ROS1: variants seen among roughly 807,000 people sequenced by gnomAD.
ROS1 encodes proto-oncogene tyrosine-protein kinase ROS.
Under a neutral mutation model 273.5 loss-of-function variants are expected in ROS1, and 263 were observed. The ratio of observed to expected loss-of-function variants is 0.96; its 90% CI spans 0.87 to 1.06. The LOEUF is 1.06. ROS1 is among the 50% of genes least tolerant of loss of function. The pLI, the probability that ROS1 is intolerant of heterozygous loss-of-function variation, is 0.00. For synonymous variants in ROS1, 1,008 were observed against 954.1 expected (o/e 1.06, Z -1.04); for missense variants, 2,833 against 2,751.1 (o/e 1.03, Z -0.67).
rs1773589751 is a variant in ROS1, at chr6:117,288,524, T to C, written c.6994A>G (p.Thr2332Ala). The C allele has an allele frequency of 2.5e-6, 4 of 1,613,910 alleles. No homozygotes were observed. Among genetic ancestry groups the C allele is most frequent in the Non-Finnish European group, 3.4e-6 (4 of 1,179,976 alleles). The change falls in exon 44 of 44, where the codon ACT becomes GCT. Residue 2332 changes from threonine to alanine, a missense_variant. Transcript: ENST00000368507. ...GACCCATCTCCATATCCACTGTGAGTGAGACAGGCATAGTTCAGGCCTTCA... is the reference window on the plus strand; with the variant it reads ...GACCCATCTCCATATCCACTGTGAGCGAGACAGGCATAGTTCAGGCCTTCA... ...KPEGLNYACL[T>A]HSGYGDGSD
chr6:117,327,857 G>A (rs1345736400), intron 33 of ROS1, among the ~76,000 whole-genome samples: 1 of 152,170 alleles, frequency 6.6e-6, no homozygotes, highest in Non-Finnish European at 1.5e-5. Flanking sequence ...TGGACACAGA[G>A]AACACCTTGT....
Position 117,359,926 on chromosome 6 carries a change from C to T in ROS1, c.3516G>A (p.Thr1172=), listed in dbSNP as rs35613256. ...CACTGATAACTCTTTCTGCTGAAAA[C>T]GTCCACACAACTTGATTTTGATCCA... ...LDMDQNQVVW[T]FSAERVISAV... is the part of the protein sequence containing the mutation. The change falls in exon 24 of 44, where the codon ACG becomes ACA. Residue 1172 remains threonine, a synonymous_variant. Coordinates refer to ENST00000368507, the MANE Select transcript of ROS1 (RefSeq NM_001378902.1). The T allele has an allele frequency of 3.1e-3, 5,075 of 1,613,814 alleles. 134 individuals are homozygous for T. In the African/African-American group the frequency reaches 0.06, roughly 19 times the overall value.
chr6:117,329,482 T>C (rs755990548), intron 32 of ROS1, 36 bp from the exon 33 acceptor site: 47 of 960,138 alleles, frequency 4.9e-5, no homozygotes, highest in Non-Finnish European at 6.9e-5. Context: ...GTTGATATGT[T>C]TGAAGTATTA....
intron 8 of ROS1, 143 bp from the exon 9 acceptor site, chr6:117,396,407 C>T: frequency 3.1e-6 from 2 of 652,686 alleles, no homozygotes; most frequent in East Asian, 2.7e-5. Flanking sequence ...CTGCTCAGCA[C>T]CGAAATGACC....
chr6:117,306,474 G>T (rs1220679067), intron 42 of ROS1, among the ~76,000 whole-genome samples: 1 of 152,076 alleles, frequency 6.6e-6, no homozygotes, highest in African/African-American at 2.4e-5. Flanking sequence ...TGGTTGTTGT[G>T]CAAACTAAAA....
chr6:117,326,236 T>A lies in ROS1; in HGVS notation c.5527A>T (p.Ile1843Leu). 4 of 1,594,958 alleles carry A rather than the reference T, an allele frequency of 2.5e-6. No homozygotes were observed. The highest frequency in any genetic ancestry group is 3.4e-6 in the Non-Finnish European group (4 of 1,172,832). ...GEYSGISENIILVGDDFWIPE... is the reference protein window; with the variant it reads ...GEYSGISENILLVGDDFWIPE... ...CATGGTAACATACCTCCAACTAATATAATATTCTCACTGATTCCACTATAT... is the reference window on the plus strand; with the variant it reads ...CATGGTAACATACCTCCAACTAATAAAATATTCTCACTGATTCCACTATAT... The change falls in exon 34 of 44, where the codon ATA (isoleucine) becomes TTA (leucine). Residue 1843 changes from isoleucine (I) to leucine (L), a missense_variant. Coordinates refer to ENST00000368507, the MANE Select transcript of ROS1 (RefSeq NM_001378902.1).
chr6:117,382,452 A>G (rs956580406), intron 17 of ROS1, among the ~76,000 whole-genome samples: 6 of 152,152 alleles, frequency 3.9e-5, no homozygotes, highest in Non-Finnish European at 7.4e-5. Context: ...GAAAAAAATG[A>G]CTTAAAATAA....
chr6:117,332,769 C>A (rs971417861), intron 32 of ROS1, among the ~76,000 whole-genome samples: 2 of 152,038 alleles, frequency 1.3e-5, no homozygotes, highest in Non-Finnish European at 2.9e-5. Context: ...GAAATTAAGG[C>A]AGAAATAAAT....
intron 21 of ROS1, 73 bp downstream of exon 21, chr6:117,364,987 A>G (rs1780089722): frequency 7.1e-7 from 1 of 1,404,754 alleles, no homozygotes; most frequent in South Asian, 1.2e-5. Flanking sequence ...TTTAAATATC[A>G]ACTATCCATT....
intron 34 of ROS1, among the ~76,000 whole-genome samples, chr6:117,325,420 A>G (rs1776563957): frequency 6.6e-6 from 1 of 152,218 alleles, no homozygotes; most frequent in African/African-American, 2.4e-5. Context: ...TGGCTACAGC[A>G]CAGACATAAA....
chr6:117,289,710 G>A (rs1035080820), intron 43 of ROS1, among the ~76,000 whole-genome samples: 5 of 152,068 alleles, frequency 3.3e-5, no homozygotes, highest in African/African-American at 1.2e-4. Context: ...CATCATTATA[G>A]CATATTTCAA....
intron 6 of ROS1, among the ~76,000 whole-genome samples, chr6:117,404,012 G>A (rs938380136): frequency 1.7e-4 from 26 of 152,182 alleles, no homozygotes; most frequent in African/African-American, 6.0e-4. Context: ...CGAGGCGGGC[G>A]GATCACGAGG....
At chr6:117,338,671 CAGG>C (rs1160289480) in intron 31 of ROS1, among the ~76,000 whole-genome samples, 23 of 152,176 alleles carry the variant, frequency 1.5e-4, no homozygotes, top group Non-Finnish European at 2.5e-4. Context: ...CTTGAAATGT[CAGG>C]AGATGTTTGA....
chr6:117,365,443 C>T (rs1216277457), intron 20 of ROS1, 138 bp downstream of exon 20: 4 of 817,702 alleles, frequency 4.9e-6, no homozygotes, highest in Non-Finnish European at 7.9e-6. Context: ...GGGGAATAAT[C>T]TTAATGACCA....
At chr6:117,318,164 A>T (rs751770659) in intron 38 of ROS1, 24 bp downstream of exon 38, 1 of 1,594,836 alleles carries the variant, frequency 6.3e-7, no homozygotes, top group Non-Finnish European at 8.6e-7. Context: ...TACCCATACC[A>T]GGAGAAAATT....
At chr6:117,367,047 A>G (rs1233153700) in intron 18 of ROS1, among the ~76,000 whole-genome samples, 1 of 152,194 alleles carries the variant, frequency 6.6e-6, no homozygotes, top group Non-Finnish European at 1.5e-5. Flanking sequence ...GAAATAAGGT[A>G]ATCATCCAGA....
At chr6:117,407,390 T>C (rs577716061) in intron 5 of ROS1, among the ~76,000 whole-genome samples, 1 of 152,100 alleles carries the variant, frequency 6.6e-6, no homozygotes, top group South Asian at 2.1e-4. Flanking sequence ...GTTAACACAC[T>C]AAGGCAAAGC....
At chr6:117,327,902 C>A (rs534640159) in intron 33 of ROS1, among the ~76,000 whole-genome samples, 1 of 152,110 alleles carries the variant, frequency 6.6e-6, no homozygotes, top group Non-Finnish European at 1.5e-5. Context: ...GATGCACCTA[C>A]GAGCCAAGGA....
At chr6:117,294,961 G>A (rs1774109345) in intron 43 of ROS1, among the ~76,000 whole-genome samples, 1 of 151,926 alleles carries the variant, frequency 6.6e-6, no homozygotes, top group Admixed American at 6.6e-5. Flanking sequence ...AAAAAAATCT[G>A]AAAATTTATA....
Sources: allele counts gnomAD v4.1 joint callset (sites outside exome capture counted in the v4.1 genomes callset), GRCh38; gene constraint gnomAD v4.1.1; transcripts MANE v1.5; gene names NCBI Gene and HGNC (gene_info 2026-07-23, HGNC 2026-07-21).